Variants in KCND2 observed in about 807,000 individuals in gnomAD.
KCND2 encodes the protein potassium voltage-gated channel subfamily D member 2.
In KCND2, 16 loss-of-function variants were observed where a neutral mutation model predicts 54.4. The ratio of observed to expected loss-of-function variants is 0.29; its 90% CI spans 0.20 to 0.45. The LOEUF (loss-of-function observed/expected upper bound fraction) is 0.45. Among genes scored for constraint, KCND2 ranks in the 20% least tolerant of loss-of-function variants. KCND2 has a pLI of 1.00. For synonymous variants in KCND2, 317 were observed against 310.7 expected, an observed-to-expected ratio of 1.02 and a Z score of -0.21; for missense variants, 486 against 824.2, an observed-to-expected ratio of 0.59 and a Z score of 5.02.
At chr7:120,499,828 A>G (rs556235897) in intron 1 of KCND2, among the ~76,000 whole-genome samples, 1 of 152,168 alleles carries the variant, frequency 6.6e-6, no homozygotes, top group East Asian at 1.9e-4. Context: ...TAGCACAAAA[A>G]TGTTTTTTTG....
intron 1 of KCND2, among the ~76,000 whole-genome samples, chr7:120,703,493 G>C (rs779914263): frequency 1.3e-5 from 2 of 152,188 alleles, no homozygotes; most frequent in Non-Finnish European, 2.9e-5. Context: ...ATGTGGCTAT[G>C]TTGGCAGAGC....
In KCND2 at chr7:120,429,116, C is replaced by T. The variant is rs1801756609; in HGVS notation, c.1115+153369C>T. ...GGTTTGTATAGAAGAGCCAAACTCACGGTGTGGTACACAGACCTCTAGGGG... is the reference window on the plus strand; with the variant it reads ...GGTTTGTATAGAAGAGCCAAACTCATGGTGTGGTACACAGACCTCTAGGGG... On this transcript the variant is annotated intron_variant, in intron 1 of 5. Coordinates refer to ENST00000331113, the MANE Select transcript of KCND2 (RefSeq NM_012281.3). 4.6e-5 allele frequency among the ~76,000 whole-genome samples: 7 copies of T among 152,226 alleles called. No individual in the cohort carries two copies. The South Asian group carries it at 6.2e-4, about 14-fold the overall frequency.
chr7:120,322,760 A>T (rs1199038726), intron 1 of KCND2, among the ~76,000 whole-genome samples: 1 of 152,136 alleles, frequency 6.6e-6, no homozygotes, highest in Non-Finnish European at 1.5e-5. Context: ...AGCATTTTCT[A>T]TGTCTTGAGT....
At chr7:120,332,263 A>G (rs1045612470) in intron 1 of KCND2, among the ~76,000 whole-genome samples, 10 of 152,106 alleles carry the variant, frequency 6.6e-5, no homozygotes. Flanking sequence ...GATAAAGGCA[A>G]ATATACACTT....
chr7:120,511,268 G>T (rs957653114), intron 1 of KCND2, among the ~76,000 whole-genome samples: 1 of 151,774 alleles, frequency 6.6e-6, no homozygotes, highest in African/African-American at 2.4e-5. Context: ...CTACCCACAC[G>T]AATTCTTATT....
chr7:120,570,626 A>G (rs1792353801), intron 1 of KCND2, among the ~76,000 whole-genome samples: 1 of 152,128 alleles, frequency 6.6e-6, no homozygotes, highest in Admixed American at 6.6e-5. Context: ...AAATCTCATC[A>G]TATCCTCTTC....
chr7:120,541,662 C>G, intron 1 of KCND2, among the ~76,000 whole-genome samples: 1 of 151,902 alleles, frequency 6.6e-6, no homozygotes, highest in African/African-American at 2.4e-5. Flanking sequence ...TTCCAGCTGC[C>G]TTTTTGGCTG....
chr7:120,642,200 G>A (rs1793384689), intron 1 of KCND2, among the ~76,000 whole-genome samples: 1 of 151,952 alleles, frequency 6.6e-6, no homozygotes, highest in African/African-American at 2.4e-5. Flanking sequence ...CCTCAAAGAG[G>A]AATCTGTATC....
At chr7:120,401,235 G>T (rs185805328) in intron 1 of KCND2, among the ~76,000 whole-genome samples, 11 of 152,212 alleles carry the variant, frequency 7.2e-5, no homozygotes, top group Admixed American at 5.9e-4. Flanking sequence ...CCATGCAGCT[G>T]TACTGACATC....
At chr7:120,486,515 G>A (rs1315408349) in intron 1 of KCND2, among the ~76,000 whole-genome samples, 1 of 152,144 alleles carries the variant, frequency 6.6e-6, no homozygotes, top group East Asian at 1.9e-4. Context: ...CAGGGGAAGA[G>A]GACCAGAGGT....
intron 1 of KCND2, among the ~76,000 whole-genome samples, chr7:120,349,313 CACACACACACACAA>C (rs1160903031): frequency 1.2e-4 from 12 of 103,450 alleles, no homozygotes; most frequent in East Asian, 8.8e-4. Flanking sequence ...CACACAAACA[CACACACACACACAA>C]ACACACACAC....
intron 1 of KCND2, among the ~76,000 whole-genome samples, chr7:120,330,451 G>A (rs574639623): frequency 1.5e-3 from 224 of 151,778 alleles, no homozygotes; most frequent in Middle Eastern, 6.8e-3. Context: ...CATGGTGGCA[G>A]GCACCTGTAA....
intron 1 of KCND2, among the ~76,000 whole-genome samples, chr7:120,593,458 A>C (rs1258512528): frequency 6.6e-6 from 1 of 152,168 alleles, no homozygotes; most frequent in African/African-American, 2.4e-5. Flanking sequence ...CCTATCAAAA[A>C]TAAACTTCCT....
At chr7:120,487,868 T>TA (rs924533749) in intron 1 of KCND2, among the ~76,000 whole-genome samples, 41 of 152,098 alleles carry the variant, frequency 2.7e-4, no homozygotes, top group African/African-American at 9.2e-4. Context: ...ACATAACGAG[T>TA]AAAAAACCAA....
chr7:120,608,096 T>A (rs1792905274), intron 1 of KCND2, among the ~76,000 whole-genome samples: 1 of 152,018 alleles, frequency 6.6e-6, no homozygotes, highest in African/African-American at 2.4e-5. Flanking sequence ...TTTATCTTTA[T>A]ATGTGTATAA....
chr7:120,670,927 AAAAG>A (rs1169081775), intron 1 of KCND2, among the ~76,000 whole-genome samples: 30 of 151,716 alleles, frequency 2.0e-4, no homozygotes, highest in African/African-American at 6.0e-4. Flanking sequence ...AAAAAAAAAA[AAAAG>A]AAAGAAAAGG....
At chr7:120,497,575 G>T (rs772142723) in intron 1 of KCND2, among the ~76,000 whole-genome samples, 18 of 152,284 alleles carry the variant, frequency 1.2e-4, no homozygotes, top group African/African-American at 4.3e-4. Context: ...AGGATTCCAT[G>T]TACCTTCCAG....
chr7:120,466,038 C>A (rs75908305), intron 1 of KCND2, among the ~76,000 whole-genome samples: 9,312 of 152,134 alleles, frequency 0.061, 872 homozygotes, highest in African/African-American at 0.21. Flanking sequence ...CTGTGTGGGG[C>A]TGTCTAATGC....
intron 1 of KCND2, among the ~76,000 whole-genome samples, chr7:120,695,764 A>G (rs1256399568): frequency 1.3e-5 from 2 of 152,188 alleles, no homozygotes; most frequent in African/African-American, 4.8e-5. Flanking sequence ...CTATTGATTT[A>G]TTTATTTTTT....
Sources: allele counts gnomAD v4.1 joint callset (sites outside exome capture counted in the v4.1 genomes callset), GRCh38; gene constraint gnomAD v4.1.1; transcripts MANE v1.5; gene names NCBI Gene and HGNC (gene_info 2026-07-23, HGNC 2026-07-21).